SLC38A4: variants seen among roughly 807,000 people sequenced by gnomAD.
SLC38A4 encodes solute carrier family 38 member 4.
A neutral mutation model predicts 63.1 loss-of-function variants in SLC38A4; 20 were observed. The observed-to-expected ratio is 0.32, with a 90% CI of 0.22 to 0.46. The LOEUF (loss-of-function observed/expected upper bound fraction) is 0.46, where lower values mean the gene tolerates loss of function less well. Among genes scored for constraint, SLC38A4 ranks in the 20% least tolerant of loss-of-function variants. SLC38A4 has a pLI of 1.00. For missense variants in SLC38A4, 526 were observed against 663.6 expected, an observed-to-expected ratio of 0.79 and a Z score of 2.28; for synonymous variants, 230 against 225.5, an observed-to-expected ratio of 1.02 and a Z score of -0.18.
chr12:46,794,108 T>C (rs897883502), intron 2 of SLC38A4, among the ~76,000 whole-genome samples: 1 of 152,150 alleles, frequency 6.6e-6, no homozygotes, highest in Non-Finnish European at 1.5e-5. Flanking sequence ...ACATGTGCAA[T>C]ACCCATTTGA....
In SLC38A4 at chr12:46,807,861, GAAAGA is replaced by G. The variant is rs1476592462; in HGVS notation, c.-304-4072_-304-4068del. 1.0e-4 allele frequency among the ~76,000 whole-genome samples: 15 copies of G among 146,684 alleles called. No individual in the cohort carries two copies. In the South Asian group the frequency reaches 3.1e-3, roughly 30 times the overall value. On this transcript the variant is annotated intron_variant, in intron 1 of 16. Transcript: ENST00000266579. ...CCTCAACTTACAAAATAAAAAATTG[GAAAGA>G]AAAGAAGAGATAATTAAATGTTACC...
intron 1 of SLC38A4, among the ~76,000 whole-genome samples, chr12:46,812,569 T>C (rs1939362111): frequency 6.6e-6 from 1 of 152,052 alleles, no homozygotes; most frequent in African/African-American, 2.4e-5. Context: ...TTTTTCTCAT[T>C]TATAAAATAG....
chr12:46,814,870 A>G (rs1218691245), intron 1 of SLC38A4, among the ~76,000 whole-genome samples: 1 of 151,836 alleles, frequency 6.6e-6, no homozygotes, highest in Non-Finnish European at 1.5e-5. Flanking sequence ...GCTACTTCTC[A>G]TTAATTTGAG....
intron 1 of SLC38A4, among the ~76,000 whole-genome samples, chr12:46,812,009 A>G (rs185978664): frequency 2.0e-5 from 3 of 152,170 alleles, no homozygotes. Context: ...ACTTGTCTTA[A>G]TTATTTTAAA....
intron 7 of SLC38A4, 91 bp from the exon 8 acceptor site, chr12:46,780,121 A>G: frequency 2.1e-6 from 2 of 951,556 alleles, no homozygotes; most frequent in Non-Finnish European, 3.3e-6. Flanking sequence ...TAAGATGAAC[A>G]TCTAATCCCC....
chr12:46,794,685 A>G (rs3862137), intron 2 of SLC38A4, among the ~76,000 whole-genome samples: 19,270 of 151,858 alleles, frequency 0.13, 1,890 homozygotes, highest in African/African-American at 0.28. Context: ...TACAAATAAG[A>G]AGTTAAGAGG....
intron 1 of SLC38A4, among the ~76,000 whole-genome samples, chr12:46,813,042 C>T (rs1024960808): frequency 1.3e-5 from 2 of 151,772 alleles, no homozygotes; most frequent in Non-Finnish European, 2.9e-5. Context: ...CTTTGAATAT[C>T]TATTATGCAC....
At chr12:46,802,910 G>A (rs1939161861) in intron 2 of SLC38A4, among the ~76,000 whole-genome samples, 2 of 151,992 alleles carry the variant, frequency 1.3e-5, no homozygotes, top group South Asian at 4.1e-4. Context: ...AATTTGAGGA[G>A]AACACCTCTA....
chr12:46,786,906 A>G (rs1938773241), intron 5 of SLC38A4, among the ~76,000 whole-genome samples: 1 of 152,222 alleles, frequency 6.6e-6, no homozygotes, highest in African/African-American at 2.4e-5. Context: ...ACAGTTATTT[A>G]ACTCTCTAGC....
chr12:46,792,576 G>A (rs911939562), intron 3 of SLC38A4, among the ~76,000 whole-genome samples: 2 of 152,094 alleles, frequency 1.3e-5, no homozygotes, highest in African/African-American at 4.8e-5. Flanking sequence ...TTTGGAGGGT[G>A]AGGCCATAGT....
intron 7 of SLC38A4, among the ~76,000 whole-genome samples, chr12:46,783,253 A>AT (rs1188384649): frequency 6.6e-6 from 1 of 151,082 alleles, no homozygotes; most frequent in East Asian, 2.0e-4. Flanking sequence ...AGATAGATAG[A>AT]TAGATAGATA....
At chr12:46,792,073 T>C (rs948488570) in intron 3 of SLC38A4, among the ~76,000 whole-genome samples, 1 of 152,050 alleles carries the variant, frequency 6.6e-6, no homozygotes, top group Non-Finnish European at 1.5e-5. Context: ...GGGCTTTATC[T>C]AAGGATGGAA....
chr12:46,829,894 A>T (rs1377792437), upstream of SLC38A4, among the ~76,000 whole-genome samples: 2 of 152,204 alleles, frequency 1.3e-5, no homozygotes, highest in East Asian at 3.8e-4. Flanking sequence ...CCATTTTCTG[A>T]TCTATAAAAT....
rs1938814819 is a variant in SLC38A4, at chr12:46,788,633, A to G, written c.120-15T>C. The stretch of plus-strand genomic sequence containing the variant: ...TAGCAAATTGACTGAACACACACAC[A>G]CACAAATAAGAAAGTGAAAACATCT... On this transcript the variant is annotated splice_polypyrimidine_tract_variant and intron_variant, in intron 3 of 16. Transcript: ENST00000266579. 2.5e-6 allele frequency: 4 copies of G among 1,601,626 alleles called. No homozygotes were observed. Among genetic ancestry groups the G allele is most frequent in the Non-Finnish European group, 3.4e-6 (4 of 1,169,556 alleles).
intron 3 of SLC38A4, among the ~76,000 whole-genome samples, chr12:46,792,237 A>T (rs936227546): frequency 3.3e-5 from 5 of 152,128 alleles, no homozygotes; most frequent in African/African-American, 1.2e-4. Flanking sequence ...TAGAATGGGT[A>T]CAGAAAAGTA....
At chr12:46,779,588 G>T in intron 10 of SLC38A4, 23 bp downstream of exon 10, 1 of 1,585,874 alleles carries the variant, frequency 6.3e-7, no homozygotes. Flanking sequence ...AACCTGCAAG[G>T]ATCATGTCAT....
intron 7 of SLC38A4, among the ~76,000 whole-genome samples, chr12:46,781,715 C>T (rs892595759): frequency 1.3e-5 from 2 of 151,950 alleles, no homozygotes; most frequent in East Asian, 1.9e-4. Context: ...CTTAAAGTCA[C>T]GCCTCTTACC....
chr12:46,791,498 A>G (rs1198380613), intron 3 of SLC38A4, among the ~76,000 whole-genome samples: 1 of 152,196 alleles, frequency 6.6e-6, no homozygotes, highest in Non-Finnish European at 1.5e-5. Flanking sequence ...GTTTCTCCTG[A>G]TGGATTTTCC....
At chr12:46,814,409 CT>C (rs1444696194) in intron 1 of SLC38A4, among the ~76,000 whole-genome samples, 1 of 151,924 alleles carries the variant, frequency 6.6e-6, no homozygotes, top group African/African-American at 2.4e-5. Flanking sequence ...ATATTTACCC[CT>C]GAACCTGTCA....
Sources: allele counts gnomAD v4.1 joint callset (sites outside exome capture counted in the v4.1 genomes callset), GRCh38; gene constraint gnomAD v4.1.1; transcripts MANE v1.5; gene names NCBI Gene and HGNC (gene_info 2026-07-23, HGNC 2026-07-21).